The following SUPT6H variants were observed in gnomAD, a reference collection of about 807,000 sequenced individuals.
SUPT6H encodes transcription elongation factor SPT6.
Under a neutral mutation model 222.3 loss-of-function variants are expected in SUPT6H, and 11 were observed. That is an observed-to-expected ratio of 0.05 (90% CI 0.03 to 0.08). The LOEUF (loss-of-function observed/expected upper bound fraction) is 0.08. Ranked by LOEUF, SUPT6H falls within the 10% of genes least tolerant of loss-of-function variation. The probability of loss-of-function intolerance (pLI) is 1.00; values close to 1 mark genes in which losing one functional copy is unlikely to be tolerated. For synonymous variants in SUPT6H, 762 were observed against 801.2 expected, an observed-to-expected ratio of 0.95 and a Z score of 0.83; for missense variants, 1,422 against 2,216.0, an observed-to-expected ratio of 0.64 and a Z score of 7.19.
At chr17:28,687,615 GTC>G (rs1185282281) in intron 23 of SUPT6H, 144 bp downstream of exon 23, 12 of 960,532 alleles carry the variant, frequency 1.2e-5, no homozygotes, top group Admixed American at 1.1e-4. Context: ...AGTCAAAAGA[GTC>G]TGACTTCAGA....
intron 33 of SUPT6H, 57 bp from the exon 34 acceptor site, chr17:28,700,116 T>C (rs1260392563): frequency 6.5e-5 from 105 of 1,611,706 alleles, no homozygotes; most frequent in Non-Finnish European, 8.7e-5. Context: ...ACCCCCTGAA[T>C]TGGGAAACCA....
At chr17:28,676,762 C>T (rs2030772145) in intron 7 of SUPT6H, among the ~76,000 whole-genome samples, 1 of 151,524 alleles carries the variant, frequency 6.6e-6, no homozygotes, top group South Asian at 2.1e-4. Context: ...CTTGTCTCTA[C>T]AAAAAATACA....
chr17:28,681,049 C>A, intron 11 of SUPT6H: 1 of 533,436 alleles, frequency 1.9e-6, no homozygotes, highest in Non-Finnish European at 3.3e-6. Context: ...CGCCCGGGTT[C>A]AAGTGATCAT....
chr17:28,667,209 CA>C (rs55712354), intron 1 of SUPT6H, among the ~76,000 whole-genome samples: 46 of 132,334 alleles, frequency 3.5e-4, no homozygotes, highest in Admixed American at 1.0e-3. Flanking sequence ...ACTAAAAATA[CA>C]AAAAAAAAAA....
At chr17:28,668,264 A>G (rs2030206714) in intron 1 of SUPT6H, among the ~76,000 whole-genome samples, 1 of 152,216 alleles carries the variant, frequency 6.6e-6, no homozygotes, top group South Asian at 2.1e-4. Flanking sequence ...TGCTAAATAC[A>G]ACATCCAAAC....
At chr17:28,670,172 A>T (rs936911672) in intron 1 of SUPT6H, 2 of 152,226 alleles carry the variant, frequency 1.3e-5, no homozygotes, top group African/African-American at 4.8e-5. Flanking sequence ...AACCATGAAG[A>T]GTCAGACAGA....
intron 1 of SUPT6H, among the ~76,000 whole-genome samples, chr17:28,665,570 C>A (rs753298215): frequency 6.6e-6 from 1 of 152,024 alleles, no homozygotes; most frequent in Non-Finnish European, 1.5e-5. Flanking sequence ...CCAGGCTGGC[C>A]AACATGGTGA....
At chr17:28,683,209 T>C (rs1263575679) in intron 15 of SUPT6H, 59 bp from the exon 16 acceptor site, 1 of 1,586,780 alleles carries the variant, frequency 6.3e-7, no homozygotes, top group African/African-American at 1.4e-5. Context: ...GGCTGTCTTT[T>C]CTCCTGGGGC....
At chr17:28,674,696 A>G in intron 4 of SUPT6H, 83 bp downstream of exon 4, 1 of 1,309,082 alleles carries the variant, frequency 7.6e-7, no homozygotes, top group Non-Finnish European at 1.1e-6. Flanking sequence ...GAGGAGGCAC[A>G]CGCAGGACAG....
chr17:28,674,820 TTTGA>T (rs2030642321), intron 4 of SUPT6H, 146 bp from the exon 5 acceptor site: 2 of 1,083,878 alleles, frequency 1.8e-6, no homozygotes, highest in Non-Finnish European at 2.7e-6. Flanking sequence ...AAGGATGGGC[TTTGA>T]GGCTACAAGA....
At position 28,701,736 on chromosome 17, in the gene SUPT6H, C is replaced by T. The variant is rs1289412821; in HGVS notation, c.*111C>T. 3 of 1,223,274 alleles carry T rather than the reference C, an allele frequency of 2.5e-6. No homozygotes were observed. The highest frequency in any genetic ancestry group is 2.9e-4 in the Middle Eastern group (1 of 3,486). 75.8% of individuals were successfully genotyped at this position (1,223,274 alleles called of 1,614,324 possible). A position where few individuals can be genotyped will look rare whatever the true frequency, so the allele number is the denominator to read the frequency against. On this transcript the variant is annotated 3_prime_UTR_variant, in exon 37 of 37. Transcript: ENST00000314616. ...GTCCATAAAGTGGCGTGAAGTGAGA[C>T]GTTCTCTTTGGTGGTCAACCCGGAT... is the stretch of plus-strand genomic sequence containing the variant.
At position 28,700,435 on chromosome 17, in the gene SUPT6H, C is replaced by A. The variant is rs200441547; in HGVS notation, c.4729C>A (p.Pro1577Thr). 6.2e-7 allele frequency: 1 copy of A among 1,614,242 alleles called. No individual in the cohort carries two copies. The highest frequency in any genetic ancestry group is 8.5e-7 in the Non-Finnish European group (1 of 1,180,052). Residue 1577 changes from proline to threonine, a missense_variant, in exon 35 of 37, where the codon CCT becomes ACT. Around this residue, in one of 13 missense-constraint regions of SUPT6H, gnomAD observed 395 missense variants for 580.6 expected, o/e 0.68. Transcript: ENST00000314616. ...TGCGGTGACAGGCCAAGGACAGAAC[C>A]CTAATGCCACCCCAGCCCAGTGGGC... is the stretch of plus-strand genomic sequence containing the variant. ...IAAVTGQGQN[P>T]NATPAQWASS...
chr17:28,667,436 T>TATATAC (rs56080250), intron 1 of SUPT6H, among the ~76,000 whole-genome samples: 1 of 132,440 alleles, frequency 7.6e-6, no homozygotes, highest in African/African-American at 2.8e-5. Context: ...TATATATATA[T>TATATAC]GTATGTGTGT....
intron 13 of SUPT6H, 106 bp from the exon 14 acceptor site, chr17:28,682,621 G>C (rs1941279267): frequency 3.4e-6 from 5 of 1,485,902 alleles, no homozygotes; most frequent in Non-Finnish European, 4.6e-6. Context: ...ACCGTCTCAG[G>C]AAAATAAAAA....
In SUPT6H at chr17:28,701,562, C is replaced by T. The variant is rs771112018; in HGVS notation, c.5118C>T (p.Ile1706=). ...CTCGGCCCTCCCCCAGCCCCATGATCGAAAGCACCCCCATGTCCATTGCTG... is the reference window on the plus strand; with the variant it reads ...CTCGGCCCTCCCCCAGCCCCATGATTGAAAGCACCCCCATGTCCATTGCTG... The part of the protein sequence containing the change: ...LTPRPSPSPM[I]ESTPMSIAGD... The change falls in exon 37 of 37, where the codon ATC becomes ATT. Residue 1706 remains isoleucine (I), a synonymous_variant. Coordinates refer to ENST00000314616, the MANE Select transcript of SUPT6H (RefSeq NM_003170.5). 2 of 1,613,948 alleles carry T rather than the reference C, an allele frequency of 1.2e-6. No homozygotes were observed. Among genetic ancestry groups the T allele is most frequent in the African/African-American group, 1.3e-5 (1 of 74,908 alleles).
chr17:28,699,559 G>C (rs755914144), intron 32 of SUPT6H, among the ~76,000 whole-genome samples: 1 of 152,164 alleles, frequency 6.6e-6, no homozygotes, highest in African/African-American at 2.4e-5. Context: ...GCCTTCCTCC[G>C]GCAGTCCGTA....
intron 26 of SUPT6H, 101 bp from the exon 27 acceptor site, chr17:28,690,820 G>A: frequency 7.4e-7 from 1 of 1,350,980 alleles, no homozygotes. Flanking sequence ...CCTCTTCAAG[G>A]ATGGGAAGGA....
At position 28,700,234 on chromosome 17, in the gene SUPT6H, C is replaced by T; in HGVS notation, c.4623C>T (p.Ala1541=). ...CTGCCTCTATCAATGCTACCCCAGCCAACATCAACCTTGCAGGTGAGGAGC... is the reference window on the plus strand; with the variant it reads ...CTGCCTCTATCAATGCTACCCCAGCTAACATCAACCTTGCAGGTGAGGAGC... The part of the protein sequence containing the change: ...RTPASINATP[A]NINLADLTRA... Residue 1541 remains alanine (A), a synonymous_variant, in exon 34 of 37, where the codon GCC becomes GCT. Transcript: ENST00000314616. 2 of 1,614,250 alleles carry T rather than the reference C, an allele frequency of 1.2e-6. No individual in the cohort carries two copies. Among genetic ancestry groups the T allele is most frequent in the Non-Finnish European group, 1.7e-6 (2 of 1,180,048 alleles).
At chr17:28,692,958 G>A (rs1323738055) in intron 27 of SUPT6H, among the ~76,000 whole-genome samples, 1 of 145,190 alleles carries the variant, frequency 6.9e-6, no homozygotes, top group East Asian at 2.0e-4. Context: ...CCAAGATTGT[G>A]CCACTGCACT....
Sources: gnomAD v4.1 joint callset for allele counts (sites outside exome capture counted in the v4.1 genomes callset) on GRCh38, gnomAD v4.1.1 for gene constraint, gnomAD v4.1.1 regional missense constraint, MANE v1.5 for transcripts, NCBI Gene and HGNC (gene_info 2026-07-23, HGNC 2026-07-21) for gene names.